DCDC1: variants seen among roughly 807,000 people sequenced by gnomAD.
DCDC1 encodes the protein doublecortin domain-containing protein 1.
Under a neutral mutation model 178.3 loss-of-function variants are expected in DCDC1, and 200 were observed. The observed-to-expected ratio is 1.12, with a 90% CI of 1.00 to 1.26. The LOEUF (loss-of-function observed/expected upper bound fraction) is 1.26, where lower values mean the gene tolerates loss of function less well. Among genes scored for constraint, DCDC1 ranks in the 50% most tolerant of loss-of-function variants. The probability of loss-of-function intolerance (pLI) is 0.00; values close to 1 mark genes in which losing one functional copy is unlikely to be tolerated. For synonymous variants in DCDC1, 690 were observed against 604.8 expected (o/e 1.14, Z -2.07); for missense variants, 1,983 against 1,749.2 (o/e 1.13, Z -2.38).
At chr11:31,147,585 A>G (rs1375910031) in intron 9 of DCDC1, among the ~76,000 whole-genome samples, 6 of 152,146 alleles carry the variant, frequency 3.9e-5, no homozygotes, top group Admixed American at 3.9e-4. Context: ...ACTTCTTTAA[A>G]CTTGTGACAT....
chr11:31,013,190 A>C, intron 20 of DCDC1, among the ~76,000 whole-genome samples: 1 of 152,170 alleles, frequency 6.6e-6, no homozygotes, highest in East Asian at 1.9e-4. Context: ...TCTGTAAAAT[A>C]TCTTTCTAAC....
At chr11:31,079,481 G>A (rs1957054099) in intron 17 of DCDC1, among the ~76,000 whole-genome samples, 2 of 152,206 alleles carry the variant, frequency 1.3e-5, no homozygotes, top group African/African-American at 2.4e-5. Flanking sequence ...AACCCAACGA[G>A]GGGGTCATGA....
At chr11:30,998,145 A>T (rs1218090859) in intron 20 of DCDC1, among the ~76,000 whole-genome samples, 1 of 152,090 alleles carries the variant, frequency 6.6e-6, no homozygotes, top group Non-Finnish European at 1.5e-5. Context: ...AAATAAAAAA[A>T]TTAGTCCAGT....
intron 6 of DCDC1, among the ~76,000 whole-genome samples, chr11:31,299,035 A>T (rs1947907313): frequency 6.6e-6 from 1 of 152,246 alleles, no homozygotes; most frequent in South Asian, 2.1e-4. Flanking sequence ...TCCGACAGTA[A>T]GAAAACATAC....
chr11:30,951,763 T>A (rs571072022), intron 21 of DCDC1, among the ~76,000 whole-genome samples: 32 of 151,892 alleles, frequency 2.1e-4, no homozygotes, highest in African/African-American at 7.5e-4. Context: ...CCAAACTAGT[T>A]GATGGGGAAA....
intron 20 of DCDC1, among the ~76,000 whole-genome samples, chr11:31,039,388 G>A (rs966011962): frequency 6.6e-6 from 1 of 152,122 alleles, no homozygotes; most frequent in Admixed American, 6.6e-5. Context: ...ATATTTAAGA[G>A]GTCATGCTCT....
Position 31,349,848 on chromosome 11 carries a change from T to TA in DCDC1, c.-124-14285dup, listed in dbSNP as rs1216415580. Among the ~76,000 whole-genome samples, 4 of 152,142 alleles carry TA rather than the reference T, an allele frequency of 2.6e-5. No homozygotes were observed. The South Asian group carries it at 6.2e-4, about 24-fold the overall frequency. On this transcript the variant is annotated intron_variant, in intron 1 of 38. Coordinates refer to ENST00000684477, the MANE Select transcript of DCDC1 (RefSeq NM_001387274.1). Reference sequence around the variant, plus strand: ...AGACCCAGCCTCCAAAAAAATAAAATAAAATACATACAGCTGGGTTCACTG... The same window carrying TA: ...AGACCCAGCCTCCAAAAAAATAAAATAAAAATACATACAGCTGGGTTCACTG...
chr11:31,364,069 T>C (rs1951837417), intron 1 of DCDC1, among the ~76,000 whole-genome samples: 1 of 152,156 alleles, frequency 6.6e-6, no homozygotes, highest in Non-Finnish European at 1.5e-5. Context: ...CAACCAATAC[T>C]CTATGGTGTA....
At chr11:30,927,475 A>C (rs1007944598) in intron 22 of DCDC1, among the ~76,000 whole-genome samples, 2 of 152,190 alleles carry the variant, frequency 1.3e-5, no homozygotes, top group Non-Finnish European at 2.9e-5. Flanking sequence ...GATGTTACAT[A>C]ATATAAATAC....
chr11:31,065,505 G>T (rs1268110914), intron 18 of DCDC1, among the ~76,000 whole-genome samples: 1 of 152,118 alleles, frequency 6.6e-6, no homozygotes, highest in Non-Finnish European at 1.5e-5. Context: ...TAATTGTGTA[G>T]TTGCTGTATT....
At chr11:31,098,530 G>A (rs1300198352) in intron 15 of DCDC1, among the ~76,000 whole-genome samples, 1 of 152,148 alleles carries the variant, frequency 6.6e-6, no homozygotes. Context: ...ACAGTCAGGG[G>A]CTAGGCACTG....
chr11:31,195,924 T>C (rs577941229), intron 9 of DCDC1, among the ~76,000 whole-genome samples: 90 of 152,176 alleles, frequency 5.9e-4, no homozygotes, highest in Admixed American at 3.5e-3. Flanking sequence ...GTCATTTGAC[T>C]CTGACAACTT....
chr11:31,308,992 C>T (rs1948614590), intron 3 of DCDC1, among the ~76,000 whole-genome samples: 1 of 151,926 alleles, frequency 6.6e-6, no homozygotes. Flanking sequence ...GGGATTGCCC[C>T]TCCTCCAAAT....
intron 3 of DCDC1, among the ~76,000 whole-genome samples, chr11:31,315,390 T>G (rs1032365891): frequency 3.8e-5 from 5 of 132,490 alleles, no homozygotes; most frequent in South Asian, 5.3e-4. Flanking sequence ...CAGTCTCGGC[T>G]CACTGGTACA....
At chr11:31,228,553 A>C (rs1265859710) in intron 9 of DCDC1, among the ~76,000 whole-genome samples, 2 of 152,088 alleles carry the variant, frequency 1.3e-5, no homozygotes, top group African/African-American at 4.8e-5. Flanking sequence ...GTAAGGAATT[A>C]ATGAAGCATA....
chr11:31,055,351 G>A (rs537316676), intron 20 of DCDC1, among the ~76,000 whole-genome samples: 5 of 152,240 alleles, frequency 3.3e-5, no homozygotes, highest in Admixed American at 2.6e-4. Flanking sequence ...GCATGGATGC[G>A]GTGAACAGGG....
chr11:31,045,560 T>C (rs1954790222), intron 20 of DCDC1, among the ~76,000 whole-genome samples: 1 of 152,180 alleles, frequency 6.6e-6, no homozygotes, highest in Non-Finnish European at 1.5e-5. Context: ...GTAGCTACGT[T>C]GTAACTTGCT....
At chr11:31,101,005 A>G (rs1033565346) in intron 15 of DCDC1, among the ~76,000 whole-genome samples, 1 of 152,244 alleles carries the variant, frequency 6.6e-6, no homozygotes, top group Non-Finnish European at 1.5e-5. Flanking sequence ...TTCTATTTTT[A>G]TAAGTACACT....
At chr11:31,173,306 C>T (rs1303123307) in intron 9 of DCDC1, among the ~76,000 whole-genome samples, 1 of 152,156 alleles carries the variant, frequency 6.6e-6, no homozygotes, top group African/African-American at 2.4e-5. Context: ...CTCATTCACA[C>T]TGGCATGGTA....
Sources: gnomAD v4.1 joint callset for allele counts (sites outside exome capture counted in the v4.1 genomes callset) on GRCh38, gnomAD v4.1.1 for gene constraint, MANE v1.5 for transcripts, NCBI Gene and HGNC (gene_info 2026-07-23, HGNC 2026-07-21) for gene names.